The following TOMM70 variants were observed in gnomAD, a reference collection of about 807,000 sequenced individuals.
TOMM70 encodes mitochondrial import receptor subunit TOM70.
Under a neutral mutation model 73.6 loss-of-function variants are expected in TOMM70, and 13 were observed. The observed-to-expected ratio is 0.18, with a 90% confidence interval of 0.11 to 0.28. The LOEUF (loss-of-function observed/expected upper bound fraction) is 0.28. Ranked by LOEUF, TOMM70 falls within the 10% of genes least tolerant of loss-of-function variation. The pLI is 1.00. For missense variants in TOMM70, 609 were observed against 747.5 expected, an observed-to-expected ratio of 0.81 and a Z score of 2.16; for synonymous variants, 257 against 271.2, an observed-to-expected ratio of 0.95 and a Z score of 0.51.
At chr3:100,387,458 C>G (rs11720172) in intron 1 of TOMM70, among the ~76,000 whole-genome samples, 84 of 151,714 alleles carry the variant, frequency 5.5e-4, no homozygotes, top group African/African-American at 1.5e-3. Flanking sequence ...GCCTGCCCCC[C>G]CAAAAAAGCA....
At chr3:100,393,220 T>C (rs1017341568) in intron 1 of TOMM70, among the ~76,000 whole-genome samples, 6 of 149,960 alleles carry the variant, frequency 4.0e-5, no homozygotes, top group Admixed American at 4.0e-4. Context: ...AAGTGCCCAC[T>C]GATAAAAGTG....
intron 11 of TOMM70, among the ~76,000 whole-genome samples, chr3:100,366,915 A>T (rs763943438): frequency 2.0e-5 from 3 of 152,230 alleles, no homozygotes; most frequent in South Asian, 4.1e-4. Context: ...ACATTAACAA[A>T]TTAGCAATTA....
intron 6 of TOMM70, 120 bp from the exon 7 acceptor site, chr3:100,375,272 G>T: frequency 8.2e-7 from 1 of 1,216,718 alleles, no homozygotes; most frequent in Non-Finnish European, 1.1e-6. Context: ...TTTAAAGTAT[G>T]CATGTCACCT....
rs149839133 is a variant in TOMM70, at chr3:100,367,141, A to C, written c.1673+903T>G. 1.1e-3 allele frequency among the ~76,000 whole-genome samples: 162 copies of C among 152,314 alleles called. 2 individuals carry two copies. In the South Asian group the frequency reaches 0.018, roughly 17 times the overall value. ...GTGGCTGAGGTACAAGAATCACTTG[A>C]ACCTGGGAGGCAGAGGTTGCAGAGT... On this transcript the variant is annotated intron_variant, in intron 11 of 11. Coordinates refer to ENST00000284320, the MANE Select transcript of TOMM70 (RefSeq NM_014820.5).
intron 8 of TOMM70, among the ~76,000 whole-genome samples, chr3:100,373,085 C>T (rs942721565): frequency 6.7e-5 from 10 of 149,082 alleles, no homozygotes; most frequent in African/African-American, 2.2e-4. Flanking sequence ...AATTCTTTTA[C>T]GACTCCAGCC....
At chr3:100,396,378 A>G (rs1706825743) in intron 1 of TOMM70, among the ~76,000 whole-genome samples, 2 of 152,192 alleles carry the variant, frequency 1.3e-5, no homozygotes, top group South Asian at 4.1e-4. Flanking sequence ...GGCTAAACAT[A>G]TTTAATGCTA....
chr3:100,373,435 A>C, intron 8 of TOMM70, 103 bp downstream of exon 8: 6 of 877,024 alleles, frequency 6.8e-6, no homozygotes, highest in Non-Finnish European at 8.6e-6. Context: ...TCCTTTGGGA[A>C]AGAAAGAAAA....
chr3:100,384,459 C>A lies in TOMM70; in HGVS notation c.735+20G>T. ...CAATGTACACAGTACTCCCCCATTC[C>A]CCAAATCAGATCAATTTACCTTATA... On this transcript the variant is annotated intron_variant, in intron 4 of 11. Transcript: ENST00000284320. 6.4e-7 allele frequency: 1 copy of A among 1,563,872 alleles called. No individual in the cohort carries two copies. The highest frequency in any genetic ancestry group is 8.7e-7 in the Non-Finnish European group (1 of 1,144,780).
intron 1 of TOMM70, among the ~76,000 whole-genome samples, chr3:100,388,698 T>TGA (rs1280910160): frequency 2.0e-5 from 3 of 152,018 alleles, no homozygotes; most frequent in African/African-American, 7.2e-5. Flanking sequence ...AAGTAGTATC[T>TGA]GAGAAAGCAG....
At chr3:100,395,542 CAA>C (rs59048767) in intron 1 of TOMM70, among the ~76,000 whole-genome samples, 450 of 81,018 alleles carry the variant, frequency 5.6e-3, no homozygotes, top group Non-Finnish European at 0.01. Flanking sequence ...GACTCCAACT[CAA>C]AAAAAAAAAA....
intron 1 of TOMM70, among the ~76,000 whole-genome samples, chr3:100,391,083 G>A (rs1012287386): frequency 5.3e-5 from 8 of 152,160 alleles, no homozygotes; most frequent in Admixed American, 5.2e-4. Flanking sequence ...GGCGCTTGCA[G>A]TGAGCCGAGA....
rs1346602739 is a variant in TOMM70, at chr3:100,373,614, GCTT to G, written c.1256_1258del (p.Glu419del). ...AATACATTCATCAAAATCTGCCACT[GCTT>G]CTTCAACTTGATCAAGGAGTATTTT... On this transcript the variant is annotated inframe_deletion, in exon 8 of 12. Coordinates refer to ENST00000284320, the MANE Select transcript of TOMM70 (RefSeq NM_014820.5). The G allele has an allele frequency of 6.2e-7, 1 of 1,612,768 alleles. No individual in the cohort carries two copies. The highest frequency in any genetic ancestry group is 8.5e-7 in the Non-Finnish European group (1 of 1,179,416).
At chr3:100,397,961 C>T (rs1473907594) in intron 1 of TOMM70, among the ~76,000 whole-genome samples, 3 of 94,626 alleles carry the variant, frequency 3.2e-5, no homozygotes, top group Non-Finnish European at 6.0e-5. Flanking sequence ...CAGTGTTGAT[C>T]CAGACAACGT....
At chr3:100,394,837 GATA>G (rs1706804042) in intron 1 of TOMM70, among the ~76,000 whole-genome samples, 1 of 152,072 alleles carries the variant, frequency 6.6e-6, no homozygotes, top group African/African-American at 2.4e-5. Flanking sequence ...TCAAACCTAG[GATA>G]ATAATACCTA....
At chr3:100,374,973 A>T in intron 7 of TOMM70, 45 bp downstream of exon 7, 1 of 1,480,936 alleles carries the variant, frequency 6.8e-7, no homozygotes, top group Non-Finnish European at 9.0e-7. Flanking sequence ...ATGGTATCAA[A>T]GCTCAATCCA....
chr3:100,394,370 T>TTTTCTTTTTTTTTC (rs1706797403), intron 1 of TOMM70, among the ~76,000 whole-genome samples: 1 of 111,884 alleles, frequency 8.9e-6, no homozygotes, highest in African/African-American at 5.3e-5. Flanking sequence ...TTTTTCTTTT[T>TTTTCTTTTTTTTTC]TTTTTTTTGA....
At chr3:100,394,402 CCAGG>C (rs1576218934) in intron 1 of TOMM70, among the ~76,000 whole-genome samples, 1 of 146,366 alleles carries the variant, frequency 6.8e-6, no homozygotes, top group East Asian at 2.1e-4. Flanking sequence ...GCTCTGTCGC[CCAGG>C]GGGGCACGAT....
intron 6 of TOMM70, 73 bp from the exon 7 acceptor site, chr3:100,375,225 C>CT (rs1447475219): frequency 6.2e-6 from 9 of 1,457,088 alleles, no homozygotes; most frequent in Middle Eastern, 1.8e-4. Context: ...TAAATAACAG[C>CT]TTTTTTCTAT....
At chr3:100,374,965 G>T in intron 7 of TOMM70, 53 bp downstream of exon 7, 3 of 1,448,894 alleles carry the variant, frequency 2.1e-6, no homozygotes, top group South Asian at 1.5e-5. Flanking sequence ...TCTCAAAAAT[G>T]GTATCAAAGC....
Sources: allele counts gnomAD v4.1 joint callset (sites outside exome capture counted in the v4.1 genomes callset), GRCh38; gene constraint gnomAD v4.1.1; transcripts MANE v1.5; gene names NCBI Gene and HGNC (gene_info 2026-07-23, HGNC 2026-07-21).